The following SLC25A21 variants were observed in gnomAD, a reference collection of about 807,000 sequenced individuals.
SLC25A21 encodes the protein solute carrier family 25 member 21.
Under a neutral mutation model 43.8 loss-of-function variants are expected in SLC25A21, and 47 were observed. The observed-to-expected ratio is 1.07, with a 90% confidence interval of 0.85 to 1.37. The LOEUF is 1.37. Among genes scored for constraint, SLC25A21 ranks in the 40% most tolerant of loss-of-function variants. The probability of loss-of-function intolerance (pLI) is 0.00; values close to 1 mark genes in which losing one functional copy is unlikely to be tolerated. For synonymous variants in SLC25A21, 131 were observed against 121.3 expected, an observed-to-expected ratio of 1.08 and a Z score of -0.52; for missense variants, 352 against 350.2, an observed-to-expected ratio of 1.00 and a Z score of -0.04.
chr14:37,048,980 G>C (rs775757838), intron 1 of SLC25A21, among the ~76,000 whole-genome samples: 25 of 152,082 alleles, frequency 1.6e-4, no homozygotes, highest in Non-Finnish European at 3.4e-4. Flanking sequence ...GTTTGCTTTT[G>C]TTTCTGTTTC....
At chr14:36,701,079 A>G (rs2139169974) in intron 7 of SLC25A21, among the ~76,000 whole-genome samples, 1 of 152,310 alleles carries the variant, frequency 6.6e-6, no homozygotes, top group Non-Finnish European at 1.5e-5. Flanking sequence ...AGCTCTCACT[A>G]TACAACTTTC....
chr14:36,725,538 C>T lies in SLC25A21; in HGVS notation c.438+32G>A, dbSNP rs768764583. ...AAATAAATAAATAAATTTTTACATG[C>T]CCCTAACAATAGAAAAACATTAAAT... On this transcript the variant is annotated intron_variant, in intron 6 of 9. Coordinates refer to ENST00000331299, the MANE Select transcript of SLC25A21 (RefSeq NM_030631.4). 6.3e-6 allele frequency: 6 copies of T among 958,828 alleles called. No homozygotes were observed. The African/African-American group carries it at 6.8e-5, about 11-fold the overall frequency. 59.4% of individuals were successfully genotyped at this position (958,828 alleles called of 1,614,324 possible).
chr14:37,108,153 A>C (rs1040825770), intron 1 of SLC25A21, among the ~76,000 whole-genome samples: 2 of 152,222 alleles, frequency 1.3e-5, no homozygotes, highest in Non-Finnish European at 2.9e-5. Context: ...AGTATGTAGA[A>C]GAATGTAAAT....
At chr14:37,030,437 G>A (rs1275628356) in intron 1 of SLC25A21, among the ~76,000 whole-genome samples, 1 of 152,062 alleles carries the variant, frequency 6.6e-6, no homozygotes, top group Admixed American at 6.6e-5. Flanking sequence ...TCCTCCACCT[G>A]GGGTATCACC....
chr14:36,997,413 G>T (rs1433520371), intron 1 of SLC25A21, among the ~76,000 whole-genome samples: 2 of 152,172 alleles, frequency 1.3e-5, no homozygotes, highest in Non-Finnish European at 2.9e-5. Context: ...CAGGCTGTTG[G>T]TGAGGGCAGC....
At chr14:37,090,843 T>C (rs562974616) in intron 1 of SLC25A21, among the ~76,000 whole-genome samples, 6 of 152,310 alleles carry the variant, frequency 3.9e-5, no homozygotes, top group African/African-American at 1.4e-4. Context: ...TGATTCTAAT[T>C]ATCTGCACTA....
intron 1 of SLC25A21, among the ~76,000 whole-genome samples, chr14:36,934,469 TAAAA>T (rs5807923): frequency 7.1e-5 from 10 of 140,442 alleles, no homozygotes; most frequent in Non-Finnish European, 7.7e-5. Context: ...ATCTTGGGAG[TAAAA>T]AAAAAAAAAA....
chr14:37,070,034 G>A (rs151031463), intron 1 of SLC25A21, among the ~76,000 whole-genome samples: 94 of 152,264 alleles, frequency 6.2e-4, no homozygotes, highest in Middle Eastern at 3.4e-3. Flanking sequence ...CCATACCTGT[G>A]CCCTAGAATT....
intron 1 of SLC25A21, among the ~76,000 whole-genome samples, chr14:36,896,890 G>C (rs1053972374): frequency 6.6e-6 from 1 of 152,198 alleles, no homozygotes; most frequent in Non-Finnish European, 1.5e-5. Flanking sequence ...GGCTTGTAGA[G>C]TTTCTGCCAA....
intron 3 of SLC25A21, among the ~76,000 whole-genome samples, chr14:36,805,307 T>C (rs945701584): frequency 6.6e-6 from 1 of 150,888 alleles, no homozygotes; most frequent in Non-Finnish European, 1.5e-5. Context: ...GCTGGGGGAG[T>C]CGGAGTGTGA....
At chr14:37,054,081 A>G (rs1961767633) in intron 1 of SLC25A21, among the ~76,000 whole-genome samples, 1 of 152,214 alleles carries the variant, frequency 6.6e-6, no homozygotes, top group Admixed American at 6.5e-5. Flanking sequence ...TGGAAACAAC[A>G]TTCTTCAAAG....
At chr14:36,996,652 C>T (rs17105897) in intron 1 of SLC25A21, among the ~76,000 whole-genome samples, 15,730 of 151,952 alleles carry the variant, frequency 0.1, 987 homozygotes, top group African/African-American at 0.18. Context: ...ATAGAACACC[C>T]AGAAGCAATG....
chr14:37,104,950 A>G (rs550363830), intron 1 of SLC25A21, among the ~76,000 whole-genome samples: 5 of 152,268 alleles, frequency 3.3e-5, no homozygotes, highest in Admixed American at 3.3e-4. Context: ...TTTATTCTCA[A>G]TATATATATT....
At chr14:36,884,922 C>A (rs1890870630) in intron 1 of SLC25A21, among the ~76,000 whole-genome samples, 1 of 152,124 alleles carries the variant, frequency 6.6e-6, no homozygotes. Context: ...CATGGGTTGT[C>A]TATTCACTCT....
chr14:36,969,322 G>A (rs1566779902), intron 1 of SLC25A21, among the ~76,000 whole-genome samples: 1 of 152,062 alleles, frequency 6.6e-6, no homozygotes, highest in African/African-American at 2.4e-5. Flanking sequence ...CTGTCTTCGA[G>A]CCTGGTCCTC....
Position 36,678,343 on chromosome 14 carries a change from T to G in SLC25A21, c.*2315A>C. Reference sequence around the variant, plus strand: ...ATAGAGAGCTTTGAACTGCATTTATTTCTAAAGCAACCGAAATTCAGTGCT... The same window carrying G: ...ATAGAGAGCTTTGAACTGCATTTATGTCTAAAGCAACCGAAATTCAGTGCT... On this transcript the variant is annotated 3_prime_UTR_variant, in exon 10 of 10. Transcript: ENST00000331299. 1.3e-6 allele frequency: 1 copy of G among 746,080 alleles called. No homozygotes were observed. The highest frequency in any genetic ancestry group is 2.4e-5 in the Admixed American group (1 of 41,488). The allele number at this position is 746,080 out of a possible 1,614,324, so 46.2% of individuals were successfully genotyped here.
chr14:37,128,586 CTTTGT>C (rs1354916438), intron 1 of SLC25A21, among the ~76,000 whole-genome samples: 1 of 71,912 alleles, frequency 1.4e-5, no homozygotes, highest in East Asian at 5.2e-4. Context: ...GTGCATTTTG[CTTTGT>C]TTTATTTTTG....
chr14:37,124,243 C>T (rs892972022), intron 1 of SLC25A21, among the ~76,000 whole-genome samples: 1 of 152,014 alleles, frequency 6.6e-6, no homozygotes, highest in Non-Finnish European at 1.5e-5. Context: ...TTGAGAGCCA[C>T]ATTGGTTTTA....
chr14:37,141,914 C>T (rs1963578250), intron 1 of SLC25A21, among the ~76,000 whole-genome samples: 1 of 152,176 alleles, frequency 6.6e-6, no homozygotes, highest in Admixed American at 6.5e-5. Context: ...GATAGAGCGA[C>T]GTAAAAAATG....
Sources: gnomAD v4.1 joint callset for allele counts (sites outside exome capture counted in the v4.1 genomes callset) on GRCh38, gnomAD v4.1.1 for gene constraint, MANE v1.5 for transcripts, NCBI Gene and HGNC (gene_info 2026-07-23, HGNC 2026-07-21) for gene names.